NSG1: variants seen among roughly 807,000 people sequenced by gnomAD.
The protein encoded by NSG1 is neuronal vesicle trafficking-associated protein 1.
Under a neutral mutation model 19.3 loss-of-function variants are expected in NSG1, and 9 were observed. That is an observed-to-expected ratio of 0.47 (90% CI 0.28 to 0.81). The LOEUF (loss-of-function observed/expected upper bound fraction) is 0.81, where lower values mean the gene tolerates loss of function less well. Among genes scored for constraint, NSG1 ranks in the 40% least tolerant of loss-of-function variants. The pLI is 0.11. For synonymous variants in NSG1, 104 were observed against 107.0 expected, an observed-to-expected ratio of 0.97 and a Z score of 0.17; for missense variants, 236 against 242.4, an observed-to-expected ratio of 0.97 and a Z score of 0.18.
intron 3 of NSG1, 85 bp from the exon 4 acceptor site, chr4:4,409,488 T>TG (rs375786742): frequency 0.044 from 40,653 of 914,590 alleles, 676 homozygotes; most frequent in African/African-American, 0.083. Flanking sequence ...ACATGCTGTG[T>TG]GGGGGGGGGC....
At chr4:4,405,237 G>T (rs1285848337) in intron 3 of NSG1, among the ~76,000 whole-genome samples, 1 of 152,074 alleles carries the variant, frequency 6.6e-6, no homozygotes, top group Non-Finnish European at 1.5e-5. Flanking sequence ...GTCCTCACGC[G>T]GCCCTCTCCC....
At chr4:4,416,769 T>C (rs1217167637) in intron 4 of NSG1, among the ~76,000 whole-genome samples, 1 of 151,992 alleles carries the variant, frequency 6.6e-6, no homozygotes, top group Admixed American at 6.6e-5. Flanking sequence ...GGCCCCTCTC[T>C]GCTCTGGTTT....
chr4:4,416,658 C>T (rs1405073829), intron 4 of NSG1, among the ~76,000 whole-genome samples: 2 of 152,150 alleles, frequency 1.3e-5, no homozygotes, highest in African/African-American at 2.4e-5. Flanking sequence ...CTGTCTCGCA[C>T]TCCCCCAACC....
intron 3 of NSG1, among the ~76,000 whole-genome samples, chr4:4,403,445 A>T (rs898519825): frequency 6.6e-6 from 1 of 152,114 alleles, no homozygotes; most frequent in Non-Finnish European, 1.5e-5. Context: ...CCTGTAGCGC[A>T]ATGTCTTCAA....
At chr4:4,410,331 G>C (rs758569232) in intron 4 of NSG1, among the ~76,000 whole-genome samples, 9 of 152,346 alleles carry the variant, frequency 5.9e-5, no homozygotes, top group South Asian at 2.1e-4. Context: ...GGGAGATAAG[G>C]GTGGAAAGAG....
intron 3 of NSG1, among the ~76,000 whole-genome samples, chr4:4,392,201 G>A (rs1029976872): frequency 1.3e-5 from 2 of 151,424 alleles, no homozygotes; most frequent in Non-Finnish European, 2.9e-5. Flanking sequence ...TGCTGAGAGC[G>A]GGAGGGTTCC....
chr4:4,387,454 G>A, intron 1 of NSG1, 150 bp from the exon 2 acceptor site: 1 of 604,842 alleles, frequency 1.7e-6, no homozygotes, highest in Non-Finnish European at 3.0e-6. Context: ...ATCGGGCCGT[G>A]ACCACCGCGT....
intron 4 of NSG1, among the ~76,000 whole-genome samples, chr4:4,410,015 C>T (rs1030551794): frequency 6.6e-5 from 10 of 152,226 alleles, no homozygotes; most frequent in African/African-American, 1.7e-4. Flanking sequence ...CGGATCCCAG[C>T]GGATTGCTCT....
At chr4:4,395,590 AC>A (rs1723211496) in intron 3 of NSG1, among the ~76,000 whole-genome samples, 1 of 152,078 alleles carries the variant, frequency 6.6e-6, no homozygotes, top group Non-Finnish European at 1.5e-5. Context: ...TGCTGGAGAC[AC>A]GGGCATGATG....
chr4:4,412,957 T>G (rs1327681408), intron 4 of NSG1, among the ~76,000 whole-genome samples: 1 of 152,168 alleles, frequency 6.6e-6, no homozygotes, highest in Non-Finnish European at 1.5e-5. Context: ...CTTACGCGAT[T>G]AGCAGGAAAG....
In NSG1 at chr4:4,387,762, A is replaced by G; in HGVS notation, c.129+4A>G. 1.9e-6 allele frequency: 3 copies of G among 1,591,590 alleles called. No individual in the cohort carries two copies. Among genetic ancestry groups the G allele is most frequent in the African/African-American group, 1.3e-5 (1 of 74,506 alleles). On this transcript the variant is annotated splice_donor_region_variant and intron_variant, in intron 2 of 4. Transcript: ENST00000621129. ...GCAGTTCCCGCCCCCGGATAAGGTA[A>G]GCCCCCCCACGCCCCTCCACGTTGC...
chr4:4,417,784 A>C lies in NSG1; in HGVS notation c.*349A>C. On this transcript the variant is annotated 3_prime_UTR_variant, in exon 5 of 5. Coordinates refer to ENST00000621129, the MANE Select transcript of NSG1 (RefSeq NM_014392.5). The stretch of plus-strand genomic sequence containing the variant: ...TGCATTTTGTGGAATTGATTTTCTG[A>C]ACCGACCCTGCTGTCTGCAAACCTT... The C allele has an allele frequency of 2.9e-6, 1 of 347,384 alleles. No homozygotes were observed. The allele number at this position is 347,384 out of a possible 1,614,324, so 21.5% of individuals were successfully genotyped here.
At chr4:4,402,935 G>A (rs1275053414) in intron 3 of NSG1, among the ~76,000 whole-genome samples, 1 of 152,206 alleles carries the variant, frequency 6.6e-6, no homozygotes, top group Non-Finnish European at 1.5e-5. Flanking sequence ...TTCCTTCCCA[G>A]GCGAGATCAT....
Position 4,411,043 on chromosome 4 carries a change from A to T in NSG1, c.357+1360A>T, listed in dbSNP as rs541204129. ...GCTAATTTTTGTATTTTTAGTAGAG[A>T]CAGGGTTTCACCATGTTGGCTAGGC... is the stretch of plus-strand genomic sequence containing the variant. On this transcript the variant is annotated intron_variant, in intron 4 of 4. Transcript: ENST00000621129. 2.6e-5 allele frequency among the ~76,000 whole-genome samples: 4 copies of T among 152,160 alleles called. No homozygotes were observed. The South Asian group carries it at 6.2e-4, about 24-fold the overall frequency.
intron 4 of NSG1, among the ~76,000 whole-genome samples, chr4:4,411,776 A>AACACAACACAACACAACACAACACAAC (rs544195285): frequency 3.1e-3 from 409 of 132,588 alleles, no homozygotes; most frequent in African/African-American, 5.3e-3. Flanking sequence ...AACAAAACAA[A>AACACAACACAACACAACACAACACAAC]ACAAAACAAA....
chr4:4,394,436 GCT>G (rs1243977974), intron 3 of NSG1, among the ~76,000 whole-genome samples: 1 of 152,064 alleles, frequency 6.6e-6, no homozygotes, highest in Non-Finnish European at 1.5e-5. Context: ...TCCCCCAGGT[GCT>G]CTCTTTTGAG....
chr4:4,392,136 T>C (rs1369138970), intron 3 of NSG1, among the ~76,000 whole-genome samples: 1 of 151,764 alleles, frequency 6.6e-6, no homozygotes, highest in Non-Finnish European at 1.5e-5. Flanking sequence ...GGTCTGGCTT[T>C]GGGCCTGTGT....
intron 3 of NSG1, among the ~76,000 whole-genome samples, chr4:4,405,903 C>T (rs1189531893): frequency 6.6e-6 from 1 of 152,238 alleles, no homozygotes; most frequent in Non-Finnish European, 1.5e-5. Flanking sequence ...GGTTCCCCCA[C>T]AGCCCTGCAG....
At position 4,411,069 on chromosome 4, in the gene NSG1, C is replaced by T. The variant is rs150444164; in HGVS notation, c.357+1386C>T. ...CAGGGTTTCACCATGTTGGCTAGGC[C>T]GGTCTCGAACTCCTGACCTCAGGTG... On this transcript the variant is annotated intron_variant, in intron 4 of 4. Transcript: ENST00000621129. Among the ~76,000 whole-genome samples the T allele has an allele frequency of 2.9e-3, 447 of 152,078 alleles. 3 individuals are homozygous for T. The highest frequency in any genetic ancestry group is 0.01 in the African/African-American group (422 of 41,520).
Sources: gnomAD v4.1 joint callset for allele counts (sites outside exome capture counted in the v4.1 genomes callset) on GRCh38, gnomAD v4.1.1 for gene constraint, MANE v1.5 for transcripts, NCBI Gene and HGNC (gene_info 2026-07-23, HGNC 2026-07-21) for gene names.